AOPEP: variants seen among roughly 807,000 people sequenced by gnomAD.
AOPEP encodes aminopeptidase O (putative), also known as aminopeptidase O.
Under a neutral mutation model 98.1 loss-of-function variants are expected in AOPEP, and 77 were observed. The ratio of observed to expected loss-of-function variants is 0.78; its 90% CI spans 0.65 to 0.95. The LOEUF (loss-of-function observed/expected upper bound fraction) is 0.95, where lower values mean the gene tolerates loss of function less well. Ranked by LOEUF, AOPEP falls within the 40% of genes least tolerant of loss-of-function variation. The pLI is 0.00. For missense variants in AOPEP, 1,024 were observed against 1,024.7 expected, an observed-to-expected ratio of 1.00 and a Z score of 0.01; for synonymous variants, 346 against 365.3, an observed-to-expected ratio of 0.95 and a Z score of 0.60.
At chr9:95,017,211 T>C (rs2063080293) in intron 13 of AOPEP, among the ~76,000 whole-genome samples, 1 of 152,018 alleles carries the variant, frequency 6.6e-6, no homozygotes, top group Non-Finnish European at 1.5e-5. Context: ...ATACATAAGC[T>C]TTAGTTTTCA....
At chr9:94,938,162 C>T (rs928531964) in intron 7 of AOPEP, among the ~76,000 whole-genome samples, 6 of 152,156 alleles carry the variant, frequency 3.9e-5, no homozygotes, top group Admixed American at 6.5e-5. Context: ...CGTGAGCGAC[C>T]GCGCCCGGCC....
At chr9:95,028,742 T>C (rs2064049821) in intron 13 of AOPEP, among the ~76,000 whole-genome samples, 1 of 152,210 alleles carries the variant, frequency 6.6e-6, no homozygotes, top group Non-Finnish European at 1.5e-5. Context: ...TGCTTCACTG[T>C]TGTATTTAAT....
intron 13 of AOPEP, among the ~76,000 whole-genome samples, chr9:95,013,586 T>C (rs6479588): frequency 0.84 from 127,561 of 152,016 alleles, 53,945 homozygotes; most frequent in Non-Finnish European, 0.9. Context: ...TTTAATTCTG[T>C]GGTTTATATT....
chr9:94,845,068 G>C (rs2042697358), intron 5 of AOPEP, among the ~76,000 whole-genome samples: 1 of 152,238 alleles, frequency 6.6e-6, no homozygotes, highest in African/African-American at 2.4e-5. Flanking sequence ...CTTGAGTTCT[G>C]CTAGGGGAGA....
Position 94,878,635 on chromosome 9 carries a change from C to T in AOPEP, c.1365-45351C>T, listed in dbSNP as rs938790171. 8.5e-5 allele frequency among the ~76,000 whole-genome samples: 13 copies of T among 152,092 alleles called. No individual in the cohort carries two copies. In the East Asian group the frequency reaches 9.6e-4, roughly 11 times the overall value. ...ATTAGGTTCTACTATTAGGGGCATACGTTTCCAGTGACTATTTCATAAGGG... is the reference window on the plus strand; with the variant it reads ...ATTAGGTTCTACTATTAGGGGCATATGTTTCCAGTGACTATTTCATAAGGG... On this transcript the variant is annotated intron_variant, in intron 5 of 16. Transcript: ENST00000375315.
chr9:94,744,348 G>C (rs894594202), intron 1 of AOPEP, among the ~76,000 whole-genome samples: 2 of 151,892 alleles, frequency 1.3e-5, no homozygotes, highest in African/African-American at 2.4e-5. Context: ...AGCCGAGATC[G>C]TGCCACTGCA....
chr9:94,943,932 A>C lies in AOPEP; in HGVS notation c.1662-11245A>C, dbSNP rs868139094. ...GAGACTCCATCTCAAAAAAAAAAAA[A>C]AAAAAAAAAAAAAAACAGGTCAATC... On this transcript the variant is annotated intron_variant, in intron 7 of 16. Coordinates refer to ENST00000375315, the MANE Select transcript of AOPEP (RefSeq NM_001193329.3). 9.8e-5 allele frequency among the ~76,000 whole-genome samples: 14 copies of C among 142,474 alleles called. 1 individual carries two copies. The highest frequency in any genetic ancestry group is 8.3e-4 in the South Asian group (4 of 4,792). The allele number at this position is 142,474 out of a possible 152,430, so 93.5% of individuals were successfully genotyped here.
intron 13 of AOPEP, among the ~76,000 whole-genome samples, chr9:95,014,382 G>T (rs796599074): frequency 1.2e-4 from 18 of 152,160 alleles, no homozygotes; most frequent in African/African-American, 4.3e-4. Flanking sequence ...CTGAGGTGGA[G>T]TGTCCCTTGA....
At chr9:95,081,320 C>T (rs935970110) in intron 15 of AOPEP, among the ~76,000 whole-genome samples, 9 of 152,328 alleles carry the variant, frequency 5.9e-5, no homozygotes, top group Admixed American at 2.0e-4. Flanking sequence ...CTTCATTGGC[C>T]GCCTCTGATG....
intron 3 of AOPEP, among the ~76,000 whole-genome samples, chr9:94,791,045 C>T (rs947600445): frequency 3.3e-5 from 5 of 151,992 alleles, no homozygotes; most frequent in African/African-American, 1.2e-4. Flanking sequence ...AAATGTGTTC[C>T]ATAATATAAA....
intron 7 of AOPEP, among the ~76,000 whole-genome samples, chr9:94,929,143 C>G (rs1456530424): frequency 6.6e-6 from 1 of 152,108 alleles, no homozygotes; most frequent in Non-Finnish European, 1.5e-5. Context: ...AAACCTGGTA[C>G]CTAGGCTCCG....
At chr9:94,788,223 A>G (rs1419126446) in intron 3 of AOPEP, among the ~76,000 whole-genome samples, 1 of 152,060 alleles carries the variant, frequency 6.6e-6, no homozygotes, top group Non-Finnish European at 1.5e-5. Flanking sequence ...GGCAGGCACC[A>G]CCAATGCACC....
the AOPEP span, chr9:95,100,044 A>C: frequency 4.3e-6 from 1 of 232,330 alleles, no homozygotes; most frequent in African/African-American, 2.2e-5. Context: ...TCCACAGAGG[A>C]GTCACAGCTT....
chr9:94,821,924 A>C (rs1400086785), intron 5 of AOPEP, among the ~76,000 whole-genome samples: 1 of 152,002 alleles, frequency 6.6e-6, no homozygotes, highest in East Asian at 1.9e-4. Flanking sequence ...ATTTTAGTGG[A>C]TACAAAATTA....
At chr9:94,868,366 C>T (rs779565345) in intron 5 of AOPEP, among the ~76,000 whole-genome samples, 3 of 152,172 alleles carry the variant, frequency 2.0e-5, no homozygotes, top group Non-Finnish European at 2.9e-5. Flanking sequence ...TGCTTGCTGA[C>T]TTGAGAACAT....
intron 13 of AOPEP, among the ~76,000 whole-genome samples, chr9:95,017,838 G>A (rs942742406): frequency 6.6e-6 from 1 of 152,196 alleles, no homozygotes; most frequent in Non-Finnish European, 1.5e-5. Context: ...GTACTAGTCT[G>A]CTTTCTGGTT....
At chr9:94,881,115 T>C (rs1294918122) in intron 5 of AOPEP, among the ~76,000 whole-genome samples, 1 of 152,220 alleles carries the variant, frequency 6.6e-6, no homozygotes, top group Non-Finnish European at 1.5e-5. Flanking sequence ...GTTAGTTTTC[T>C]TGCTGAAAAA....
chr9:94,918,738 T>G (rs1302475797), intron 5 of AOPEP, among the ~76,000 whole-genome samples: 1 of 152,136 alleles, frequency 6.6e-6, no homozygotes, highest in East Asian at 1.9e-4. Flanking sequence ...TAAAATACAG[T>G]GCCTGGCACG....
chr9:94,976,622 T>A (rs1329720534), intron 10 of AOPEP, among the ~76,000 whole-genome samples: 2 of 151,816 alleles, frequency 1.3e-5, no homozygotes, highest in Admixed American at 1.3e-4. Flanking sequence ...ATGGGAAAGG[T>A]GGAGACTTGT....
Sources: allele counts gnomAD v4.1 joint callset (sites outside exome capture counted in the v4.1 genomes callset), GRCh38; gene constraint gnomAD v4.1.1; transcripts MANE v1.5; gene names NCBI Gene and HGNC (gene_info 2026-07-23, HGNC 2026-07-21).